The following RSF1 variants were observed in gnomAD, a reference collection of about 807,000 sequenced individuals.
RSF1 encodes HBV pX-associated protein 8.
RSF1 carries 13 observed loss-of-function variants against 145.2 expected under a neutral mutation model. The ratio of observed to expected loss-of-function variants is 0.09; its 90% CI spans 0.06 to 0.14. The LOEUF (loss-of-function observed/expected upper bound fraction) is 0.14, where lower values mean the gene tolerates loss of function less well. RSF1 is among the 10% of genes least tolerant of loss of function. The pLI, the probability that RSF1 is intolerant of heterozygous loss-of-function variation, is 1.00. For missense variants in RSF1, 1,517 were observed against 1,718.2 expected, an observed-to-expected ratio of 0.88 and a Z score of 2.07; for synonymous variants, 577 against 592.6, an observed-to-expected ratio of 0.97 and a Z score of 0.38.
chr11:77,688,569 A>G (rs2135834732), intron 9 of RSF1, among the ~76,000 whole-genome samples: 1 of 152,268 alleles, frequency 6.6e-6, no homozygotes, highest in Admixed American at 6.5e-5. Flanking sequence ...ATCATTCTTT[A>G]TTTTTTAAAA....
At chr11:77,737,030 C>T (rs1167152055) in intron 4 of RSF1, among the ~76,000 whole-genome samples, 1 of 152,180 alleles carries the variant, frequency 6.6e-6, no homozygotes, top group East Asian at 1.9e-4. Flanking sequence ...CCAAATATTT[C>T]TGCGTTATTT....
intron 2 of RSF1, among the ~76,000 whole-genome samples, chr11:77,755,302 A>G (rs1004815507): frequency 1.3e-5 from 2 of 152,164 alleles, no homozygotes; most frequent in African/African-American, 4.8e-5. Context: ...TTGGAGGTAG[A>G]ATTATCAGGA....
At chr11:77,730,786 C>G (rs1215168484) in intron 4 of RSF1, among the ~76,000 whole-genome samples, 1 of 152,198 alleles carries the variant, frequency 6.6e-6, no homozygotes, top group Non-Finnish European at 1.5e-5. Context: ...CACAAGCTTT[C>G]TTTTCCTGCC....
chr11:77,749,331 AAGAC>A (rs745403092), intron 2 of RSF1, among the ~76,000 whole-genome samples: 30 of 152,316 alleles, frequency 2.0e-4, no homozygotes, highest in South Asian at 1.0e-3. Context: ...AAAAAAAAGA[AAGAC>A]AGAGAGACAA....
In RSF1 at chr11:77,782,400, G is replaced by T. The variant is rs967264019; in HGVS notation, c.188-17711C>A. On this transcript the variant is annotated intron_variant, in intron 1 of 15. Coordinates refer to ENST00000308488, the MANE Select transcript of RSF1 (RefSeq NM_016578.4). ...TACTAAATATACAAAACTTAGCCAG[G>T]TGTGGTGGCGCGCACCTGTAGTCCC... 2.0e-5 allele frequency among the ~76,000 whole-genome samples: 3 copies of T among 152,182 alleles called. No individual in the cohort carries two copies. The South Asian group carries it at 6.2e-4, about 31-fold the overall frequency.
At chr11:77,729,677 C>A (rs1961149044) in intron 4 of RSF1, among the ~76,000 whole-genome samples, 1 of 151,612 alleles carries the variant, frequency 6.6e-6, no homozygotes, top group Non-Finnish European at 1.5e-5. Flanking sequence ...CCTTGATAAT[C>A]TCCATCACAG....
the RSF1 span, among the ~76,000 whole-genome samples, chr11:77,847,491 T>C: frequency 6.6e-6 from 1 of 152,142 alleles, no homozygotes; most frequent in African/African-American, 2.4e-5. Context: ...TGACACCCAG[T>C]TACCAACCTA....
At chr11:77,671,138 A>AATATATATATATATATAT (rs1225103987) in intron 15 of RSF1, among the ~76,000 whole-genome samples, 1 of 22,054 alleles carries the variant, frequency 4.5e-5, no homozygotes, top group Non-Finnish European at 7.5e-5. Flanking sequence ...AAAAAAAAAA[A>AATATATATATATATATAT]ATATATATAT....
At chr11:77,782,359 G>T (rs1948412491) in intron 1 of RSF1, among the ~76,000 whole-genome samples, 1 of 152,118 alleles carries the variant, frequency 6.6e-6, no homozygotes, top group African/African-American at 2.4e-5. Flanking sequence ...AGGCCAACAT[G>T]GCAAAACCCC....
At chr11:77,786,862 C>T (rs1948461755) in intron 1 of RSF1, among the ~76,000 whole-genome samples, 2 of 152,006 alleles carry the variant, frequency 1.3e-5, no homozygotes, top group African/African-American at 4.8e-5. Flanking sequence ...ATACGAGTAA[C>T]AAAAGACTAT....
chr11:77,725,449 T>A (rs1227145021), intron 5 of RSF1, 96 bp downstream of exon 5: 1 of 1,057,744 alleles, frequency 9.5e-7, no homozygotes, highest in Non-Finnish European at 1.2e-6. Flanking sequence ...CAATTCAAAT[T>A]GAGATAGAAA....
At chr11:77,820,055 G>C (rs1466987851) in intron 1 of RSF1, among the ~76,000 whole-genome samples, 1 of 152,176 alleles carries the variant, frequency 6.6e-6, no homozygotes, top group Non-Finnish European at 1.5e-5. Flanking sequence ...GAGGTGTCCG[G>C]AGCAGCCGAG....
At chr11:77,767,568 G>T (rs1260183403) in intron 1 of RSF1, among the ~76,000 whole-genome samples, 1 of 152,076 alleles carries the variant, frequency 6.6e-6, no homozygotes. Context: ...GCCAGTTAAT[G>T]GTCCACTAAG....
At chr11:77,724,110 T>C (rs572480232) in intron 5 of RSF1, among the ~76,000 whole-genome samples, 1 of 152,296 alleles carries the variant, frequency 6.6e-6, no homozygotes, top group East Asian at 1.9e-4. Context: ...ATAAACATTT[T>C]TCCAAAGAAG....
rs1473252738 is a variant in RSF1 at position 77,745,539 on chromosome 11, G to C, written c.372+1497C>G. 2.6e-4 allele frequency among the ~76,000 whole-genome samples: 40 copies of C among 151,060 alleles called. No homozygotes were observed. The Admixed American group carries it at 2.6e-3, about 10-fold the overall frequency. On this transcript the variant is annotated intron_variant, in intron 3 of 15. Transcript: ENST00000308488. ...TTTTTAACATGTTGGTTATTCAGTA[G>C]TCATGGTATAAAACTTTCAATAATT... is the stretch of plus-strand genomic sequence containing the variant.
the RSF1 span, among the ~76,000 whole-genome samples, chr11:77,867,128 A>G: frequency 2.0e-5 from 3 of 152,234 alleles, no homozygotes; most frequent in African/African-American, 7.2e-5. Context: ...GGCATGAGCC[A>G]CTGTGCCCGG....
chr11:77,788,632 G>A (rs531120035), intron 1 of RSF1, among the ~76,000 whole-genome samples: 9 of 152,028 alleles, frequency 5.9e-5, no homozygotes, highest in African/African-American at 2.2e-4. Context: ...GTCGTGGCAT[G>A]CATCTAAAGC....
intron 1 of RSF1, among the ~76,000 whole-genome samples, chr11:77,790,645 A>C (rs1948507652): frequency 6.6e-6 from 1 of 152,210 alleles, no homozygotes; most frequent in Non-Finnish European, 1.5e-5. Flanking sequence ...CTTCCTAGAT[A>C]CAATGGGGGT....
At chr11:77,691,375 T>C in intron 8 of RSF1, 137 bp from the exon 9 acceptor site, 4 of 663,716 alleles carry the variant, frequency 6.0e-6, no homozygotes, top group South Asian at 5.7e-5. Context: ...AAGCTTTTCT[T>C]GTGTTTAATT....
Sources: gnomAD v4.1 joint callset for allele counts (sites outside exome capture counted in the v4.1 genomes callset) on GRCh38, gnomAD v4.1.1 for gene constraint, MANE v1.5 for transcripts, NCBI Gene and HGNC (gene_info 2026-07-23, HGNC 2026-07-21) for gene names.